COL11A1: variants seen among roughly 807,000 people sequenced by gnomAD.
COL11A1 encodes the protein collagen type XI alpha 1 chain.
In COL11A1, 74 loss-of-function variants were observed where a neutral mutation model predicts 265.2. The ratio of observed to expected loss-of-function variants is 0.28; its 90% CI spans 0.23 to 0.34. The LOEUF (loss-of-function observed/expected upper bound fraction) is 0.34, where lower values mean the gene tolerates loss of function less well. Among genes scored for constraint, COL11A1 ranks in the 10% least tolerant of loss-of-function variants. The pLI is 1.00. For synonymous variants in COL11A1, 816 were observed against 727.6 expected, an observed-to-expected ratio of 1.12 and a Z score of -1.96; for missense variants, 2,165 against 2,263.6, an observed-to-expected ratio of 0.96 and a Z score of 0.88.
chr1:102,961,113 G>A (rs1256267236), intron 41 of COL11A1, among the ~76,000 whole-genome samples: 1 of 152,112 alleles, frequency 6.6e-6, no homozygotes, highest in African/African-American at 2.4e-5. Flanking sequence ...TTTTAGATTG[G>A]TGAAATAAGA....
intron 42 of COL11A1, among the ~76,000 whole-genome samples, chr1:102,942,276 T>A (rs1453876717): frequency 6.6e-6 from 1 of 152,184 alleles, no homozygotes; most frequent in Non-Finnish European, 1.5e-5. Context: ...GTATAAGGTT[T>A]CCTGTAAATA....
At chr1:103,004,004 C>A (rs1053824102) in intron 20 of COL11A1, among the ~76,000 whole-genome samples, 39 of 152,256 alleles carry the variant, frequency 2.6e-4, no homozygotes, top group African/African-American at 7.7e-4. Flanking sequence ...TTCAAGTAAA[C>A]CTTCCCAGAT....
At chr1:103,052,428 T>C (rs539917587) in intron 4 of COL11A1, among the ~76,000 whole-genome samples, 1 of 152,310 alleles carries the variant, frequency 6.6e-6, no homozygotes, top group Non-Finnish European at 1.5e-5. Flanking sequence ...TCAGAACTGC[T>C]GGGCTTATTA....
intron 29 of COL11A1, 138 bp downstream of exon 29, chr1:102,989,380 A>C: frequency 2.2e-6 from 1 of 464,004 alleles, no homozygotes. Context: ...TCTTTGTATA[A>C]AAACTTAAAT....
Position 103,074,652 on chromosome 1 carries a change from A to G in COL11A1, c.617T>C (p.Phe206Ser). 6.2e-7 allele frequency: 1 copy of G among 1,613,248 alleles called. No individual in the cohort carries two copies. The highest frequency in any genetic ancestry group is 8.5e-7 in the Non-Finnish European group (1 of 1,179,536). Residue 206 changes from phenylalanine to serine, a missense_variant, in exon 4 of 67, where the codon TTT (phenylalanine) becomes TCT (serine). By Grantham distance (155) the Phe-to-Ser change is radical. Transcript: ENST00000370096. ...TTCTTCATCCAAAATCCTTGTTCCA[A>G]AAACCGTGATTCCATTGGTATCAAC... Reference protein sequence around the residue: ...AIVDTNGITVFGTRILDEEVF... With the variant: ...AIVDTNGITVSGTRILDEEVF...
rs553626175 is a variant in COL11A1 at position 103,065,259 on chromosome 1, G to A, written c.651+9359C>T. On this transcript the variant is annotated intron_variant, in intron 4 of 66. Coordinates refer to ENST00000370096, the MANE Select transcript of COL11A1 (RefSeq NM_001854.4). Reference sequence around the variant, plus strand: ...CAATTGGCCGGGCACGGTGGCTCACGCCTATAATCCCAGCACTTTGGGAGG... The same window carrying A: ...CAATTGGCCGGGCACGGTGGCTCACACCTATAATCCCAGCACTTTGGGAGG... Among the ~76,000 whole-genome samples the A allele has an allele frequency of 4.1e-4, 63 of 152,146 alleles. 1 individual carries two copies. The highest frequency in any genetic ancestry group is 1.4e-3 in the African/African-American group (59 of 41,524).
chr1:102,878,442 T>G (rs1023909215), intron 66 of COL11A1, among the ~76,000 whole-genome samples: 4 of 138,518 alleles, frequency 2.9e-5, no homozygotes, highest in Non-Finnish European at 6.2e-5. Flanking sequence ...TAAATACAAT[T>G]TAATATGAAA....
At chr1:102,984,053 G>T in intron 31 of COL11A1, 85 bp downstream of exon 31, 1 of 955,996 alleles carries the variant, frequency 1.0e-6, no homozygotes, top group Non-Finnish European at 1.7e-6. Context: ...ATAATATAGA[G>T]ATGTTACAAA....
intron 41 of COL11A1, among the ~76,000 whole-genome samples, chr1:102,950,051 T>C (rs1370996529): frequency 6.6e-6 from 1 of 152,190 alleles, no homozygotes; most frequent in Non-Finnish European, 1.5e-5. Flanking sequence ...ATCTCAGCAC[T>C]TTGGGAGGCC....
intron 1 of COL11A1, among the ~76,000 whole-genome samples, chr1:103,085,364 G>C (rs1672764781): frequency 6.6e-6 from 1 of 152,112 alleles, no homozygotes; most frequent in Admixed American, 6.5e-5. Context: ...ACCATCTCAT[G>C]GTAGGGCACA....
chr1:102,960,259 C>G (rs1048278875), intron 41 of COL11A1, among the ~76,000 whole-genome samples: 1 of 151,948 alleles, frequency 6.6e-6, no homozygotes, highest in Non-Finnish European at 1.5e-5. Flanking sequence ...AAATGATACA[C>G]TTGTTGTATT....
At chr1:103,014,038 T>C (rs990717131) in intron 13 of COL11A1, among the ~76,000 whole-genome samples, 2 of 152,090 alleles carry the variant, frequency 1.3e-5, no homozygotes, top group African/African-American at 4.8e-5. Context: ...TTTGAAGGTT[T>C]CTTTTTTATA....
Position 103,026,347 on chromosome 1 carries a change from A to T in COL11A1, c.781-15T>A. 1 of 1,548,262 alleles carries T rather than the reference A, an allele frequency of 6.5e-7. No individual in the cohort carries two copies. Among genetic ancestry groups the T allele is most frequent in the Non-Finnish European group, 8.9e-7 (1 of 1,119,874 alleles). ...TCTGGTGCATACTACATTGCAAAGG[A>T]AAAAATATCAGGCAATTGTGTTAGT... On this transcript the variant is annotated splice_polypyrimidine_tract_variant and intron_variant, in intron 5 of 66. Coordinates refer to ENST00000370096, the MANE Select transcript of COL11A1 (RefSeq NM_001854.4).
At chr1:102,904,103 T>A (rs890675866) in intron 54 of COL11A1, among the ~76,000 whole-genome samples, 2 of 152,134 alleles carry the variant, frequency 1.3e-5, no homozygotes, top group African/African-American at 2.4e-5. Context: ...GCTCAAGTGA[T>A]CCTCTTGCTT....
rs541779425 is a variant in COL11A1, at chr1:103,018,766, TTA to T, written c.1350+50_1350+51del. On this transcript the variant is annotated intron_variant, in intron 10 of 66. Coordinates refer to ENST00000370096, the MANE Select transcript of COL11A1 (RefSeq NM_001854.4). ...TCTCATTCAGTAATTAATAGAAATC[TTA>T]TATATGATTACTTTAAATAGACAAA... 375 of 1,345,156 alleles carry T rather than the reference TTA, an allele frequency of 2.8e-4. 2 individuals are homozygous for T. The African/African-American group carries it at 3.7e-3, about 13-fold the overall frequency. The allele number at this position is 1,345,156 out of a possible 1,614,324, so 83.3% of individuals were successfully genotyped here. A position where few individuals can be genotyped will look rare whatever the true frequency, so the allele number is the denominator to read the frequency against.
At chr1:102,950,335 T>A (rs4908279) in intron 41 of COL11A1, among the ~76,000 whole-genome samples, 144,367 of 152,198 alleles carry the variant, frequency 0.95, 68,630 homozygotes, top group East Asian at 1. Flanking sequence ...AGTTTATTTG[T>A]AATTTTCAAC....
intron 4 of COL11A1, among the ~76,000 whole-genome samples, chr1:103,039,944 G>A (rs545175167): frequency 7.9e-5 from 12 of 151,998 alleles, no homozygotes; most frequent in Non-Finnish European, 1.6e-4. Flanking sequence ...GTAATCAGAA[G>A]TTATACACCT....
intron 46 of COL11A1, 79 bp downstream of exon 46, chr1:102,934,370 A>T (rs1290088471): frequency 2.0e-6 from 2 of 1,009,738 alleles, no homozygotes; most frequent in African/African-American, 3.2e-5. Flanking sequence ...AGAAAAAAAT[A>T]CTTTGTTTTA....
Position 102,935,101 on chromosome 1 carries a change from G to T in COL11A1, c.3451C>A (p.Pro1151Thr), listed in dbSNP as rs759663106. 1 of 1,613,944 alleles carries T rather than the reference G, an allele frequency of 6.2e-7. No individual in the cohort carries two copies. Among genetic ancestry groups the T allele is most frequent in the Non-Finnish European group, 8.5e-7 (1 of 1,179,918 alleles). The change falls in exon 45 of 67, where the codon CCC becomes ACC. Residue 1151 changes from proline to threonine, a missense_variant. Pro to Thr is a conservative substitution (Grantham distance 38, BLOSUM62 -1). Transcript: ENST00000370096. The stretch of plus-strand genomic sequence containing the variant: ...CCAACTGGTCCTTGAAGACCTGGGG[G>T]ACCGGGAGGGCCCTGCAGTGAGATA... ...GDKGENGPPG[P>T]PGLQGPVGAP...
Sources: gnomAD v4.1 joint callset for allele counts (sites outside exome capture counted in the v4.1 genomes callset) on GRCh38, gnomAD v4.1.1 for gene constraint, MANE v1.5 for transcripts, NCBI Gene and HGNC (gene_info 2026-07-23, HGNC 2026-07-21) for gene names.